RHBDL3: variants seen among roughly 807,000 people sequenced by gnomAD.
RHBDL3 encodes the protein rhomboid like 3, also known as rhomboid-related protein 3.
A neutral mutation model predicts 48.2 loss-of-function variants in RHBDL3; 28 were observed. The ratio of observed to expected loss-of-function variants is 0.58; its 90% CI spans 0.43 to 0.80. The LOEUF (loss-of-function observed/expected upper bound fraction) is 0.80. Among genes scored for constraint, RHBDL3 ranks in the 30% least tolerant of loss-of-function variants. The probability of loss-of-function intolerance (pLI) is 0.00; values close to 1 mark genes in which losing one functional copy is unlikely to be tolerated. For missense variants in RHBDL3, 464 were observed against 542.7 expected, an observed-to-expected ratio of 0.85 and a Z score of 1.44; for synonymous variants, 208 against 232.3, an observed-to-expected ratio of 0.90 and a Z score of 0.95.
At chr17:32,283,585 A>G (rs1256843008) in intron 2 of RHBDL3, among the ~76,000 whole-genome samples, 1 of 151,908 alleles carries the variant, frequency 6.6e-6, no homozygotes, top group Non-Finnish European at 1.5e-5. Context: ...GGCCTCCCAA[A>G]GTGCTGGGAT....
intron 2 of RHBDL3, among the ~76,000 whole-genome samples, chr17:32,279,348 T>G (rs891337741): frequency 2.0e-5 from 3 of 152,190 alleles, no homozygotes; most frequent in Non-Finnish European, 4.4e-5. Flanking sequence ...CTGCCCTGCC[T>G]GAGGAGGGCT....
In RHBDL3 at chr17:32,305,342, G is replaced by A; in HGVS notation, c.783G>A (p.Gly261=). The part of the protein sequence containing the change: ...GLVYVAGVVA[G]SLAVSVADMT... Reference sequence around the variant, plus strand: ...ATTCTCGCTGTCTTTCTGTACTAGGGTCCTTGGCAGTGTCTGTGGCTGACA... The same window carrying A: ...ATTCTCGCTGTCTTTCTGTACTAGGATCCTTGGCAGTGTCTGTGGCTGACA... The change falls in exon 7 of 9, where the codon GGG becomes GGA. Residue 261 remains glycine, a splice_region_variant and synonymous_variant. Transcript: ENST00000269051. 1 of 1,609,926 alleles carries A rather than the reference G, an allele frequency of 6.2e-7. No individual in the cohort carries two copies.
At chr17:32,314,224 G>A (rs2040915144) in intron 7 of RHBDL3, among the ~76,000 whole-genome samples, 1 of 152,216 alleles carries the variant, frequency 6.6e-6, no homozygotes, top group African/African-American at 2.4e-5. Flanking sequence ...TGGCCGGTCA[G>A]TGAGGAAGAG....
At chr17:32,296,327 GTC>G (rs1225288685) in intron 5 of RHBDL3, among the ~76,000 whole-genome samples, 2 of 138,330 alleles carry the variant, frequency 1.4e-5, no homozygotes, top group Admixed American at 1.5e-4. Flanking sequence ...AGCAGAATAG[GTC>G]TCTTTTTTTT....
At position 32,266,155 on chromosome 17, in the gene RHBDL3, C is replaced by A; in HGVS notation, c.-35C>A. On this transcript the variant is annotated 5_prime_UTR_variant, in exon 1 of 9. Transcript: ENST00000269051. ...TAGCCCGGCGCCCCGGGACGAGCCC[C>A]GCAGCCGCCGCCGCCCCCGGACCCC... The A allele has an allele frequency of 1.1e-6, 1 of 914,178 alleles. No individual in the cohort carries two copies. Among genetic ancestry groups the A allele is most frequent in the Non-Finnish European group, 1.4e-6 (1 of 720,962 alleles). The allele number at this position is 914,178 out of a possible 1,614,324, so 56.6% of individuals were successfully genotyped here.
intron 2 of RHBDL3, among the ~76,000 whole-genome samples, chr17:32,276,861 G>A (rs79283579): frequency 4.3e-4 from 28 of 64,446 alleles, no homozygotes; most frequent in African/African-American, 2.6e-3. Flanking sequence ...ACCTTACTCC[G>A]GCCCTAGCAC....
intron 2 of RHBDL3, among the ~76,000 whole-genome samples, chr17:32,282,614 T>C (rs757385162): frequency 1.4e-4 from 21 of 152,170 alleles, no homozygotes; most frequent in Non-Finnish European, 2.4e-4. Flanking sequence ...CTTGTTCAAT[T>C]CTGTGGAGAT....
At chr17:32,270,132 C>CAAAAAAAAAAAAAAAAAAAAA (rs66986205) in intron 2 of RHBDL3, among the ~76,000 whole-genome samples, 1 of 68,104 alleles carries the variant, frequency 1.5e-5, no homozygotes, top group Non-Finnish European at 2.8e-5. Flanking sequence ...GACCCTTTCT[C>CAAAAAAAAAAAAAAAAAAAAA]AAAAAAAAAA....
At chr17:32,302,419 C>T (rs2040605388) in intron 6 of RHBDL3, among the ~76,000 whole-genome samples, 1 of 151,874 alleles carries the variant, frequency 6.6e-6, no homozygotes, top group South Asian at 2.1e-4. Context: ...TGTAGTGGCA[C>T]GATCTCGGCT....
intron 7 of RHBDL3, among the ~76,000 whole-genome samples, chr17:32,315,843 T>C (rs764393137): frequency 3.3e-5 from 5 of 151,884 alleles, no homozygotes; most frequent in Non-Finnish European, 5.9e-5. Context: ...TCATTCCTCA[T>C]TTGCAGGATT....
intron 7 of RHBDL3, among the ~76,000 whole-genome samples, chr17:32,312,743 C>T (rs769937550): frequency 6.6e-6 from 1 of 151,976 alleles, no homozygotes; most frequent in Non-Finnish European, 1.5e-5. Context: ...GTCTTGAGCT[C>T]CTGGCCTCAA....
chr17:32,317,839 A>G (rs1428208491), intron 8 of RHBDL3, among the ~76,000 whole-genome samples: 1 of 152,128 alleles, frequency 6.6e-6, no homozygotes. Flanking sequence ...GATTGTGGGG[A>G]CAAGGGGGAT....
At position 32,266,224 on chromosome 17, in the gene RHBDL3, C is replaced by A; in HGVS notation, c.35C>A (p.Ala12Asp). 1 of 1,425,920 alleles carries A rather than the reference C, an allele frequency of 7.0e-7. No homozygotes were observed. Among genetic ancestry groups the A allele is most frequent in the South Asian group, 1.4e-5 (1 of 71,134 alleles). 88.3% of individuals were successfully genotyped at this position (1,425,920 alleles called of 1,614,324 possible). A position where few individuals can be genotyped will look rare whatever the true frequency, so the allele number is the denominator to read the frequency against. The stretch of plus-strand genomic sequence containing the variant: ...CACCCCAGCCCGGGCCCCGCGGTGG[C>A]CGCCTGCGCCGAGGCGGAGCGCATC... ...GEHPSPGPAV[A>D]ACAEAERIEE... The change falls in exon 1 of 9, where the codon GCC (alanine) becomes GAC (aspartate). Residue 12 changes from alanine (A) to aspartate (D), a missense_variant. By Grantham distance (126) the Ala-to-Asp change is moderately radical. Transcript: ENST00000269051.
In RHBDL3 at chr17:32,323,656, G is replaced by C. The variant is rs1180339598; in HGVS notation, c.*2427G>C. Reference sequence around the variant, plus strand: ...ACTCAGCTCCCTCGGGGACTCCCAGGGAAGCTTGTTACTGAGAAGGACAGT... The same window carrying C: ...ACTCAGCTCCCTCGGGGACTCCCAGCGAAGCTTGTTACTGAGAAGGACAGT... On this transcript the variant is annotated 3_prime_UTR_variant, in exon 9 of 9. Transcript: ENST00000269051. 1 of 152,174 alleles carries C rather than the reference G, an allele frequency of 6.6e-6. No individual in the cohort carries two copies. Among genetic ancestry groups the C allele is most frequent in the Non-Finnish European group, 1.5e-5 (1 of 68,058 alleles). 9.4% of individuals were successfully genotyped at this position (152,174 alleles called of 1,614,324 possible).
In RHBDL3 at chr17:32,277,601, G is replaced by T. The variant is rs9905194; in HGVS notation, c.136-7058G>T. ...CCAGTCAACCCTCAGGCTGGGCCTGGAGCCCACAGACTTCTAGCATTGCTG... is the reference window on the plus strand; with the variant it reads ...CCAGTCAACCCTCAGGCTGGGCCTGTAGCCCACAGACTTCTAGCATTGCTG... On this transcript the variant is annotated intron_variant, in intron 2 of 8. Coordinates refer to ENST00000269051, the MANE Select transcript of RHBDL3 (RefSeq NM_138328.3). Among the ~76,000 whole-genome samples, 1,219 of 152,330 alleles carry T rather than the reference G, an allele frequency of 8.0e-3. 23 individuals carry two copies. The highest frequency in any genetic ancestry group is 0.027 in the African/African-American group (1,139 of 41,568).
intron 6 of RHBDL3, among the ~76,000 whole-genome samples, chr17:32,303,864 C>T (rs1182057936): frequency 6.6e-6 from 1 of 152,094 alleles, no homozygotes; most frequent in Non-Finnish European, 1.5e-5. Flanking sequence ...GTGGATCTTG[C>T]ACCCTATACA....
intron 7 of RHBDL3, among the ~76,000 whole-genome samples, chr17:32,306,276 T>G (rs1303662203): frequency 6.6e-6 from 1 of 151,908 alleles, no homozygotes; most frequent in Non-Finnish European, 1.5e-5. Context: ...ATACCAAAAT[T>G]AGCTGGGCGT....
intron 2 of RHBDL3, among the ~76,000 whole-genome samples, chr17:32,276,129 AC>A (rs1386348879): frequency 6.6e-6 from 1 of 152,210 alleles, no homozygotes; most frequent in Non-Finnish European, 1.5e-5. Flanking sequence ...GAATAAAAAA[AC>A]AAAACAAATG....
intron 8 of RHBDL3, among the ~76,000 whole-genome samples, chr17:32,317,452 G>C (rs1162261337): frequency 6.6e-6 from 1 of 152,210 alleles, no homozygotes; most frequent in African/African-American, 2.4e-5. Flanking sequence ...CAGGGCCCTA[G>C]TTGGGAGAGC....
Sources: gnomAD v4.1 joint callset for allele counts (sites outside exome capture counted in the v4.1 genomes callset) on GRCh38, gnomAD v4.1.1 for gene constraint, MANE v1.5 for transcripts, NCBI Gene and HGNC (gene_info 2026-07-23, HGNC 2026-07-21) for gene names.